The following AHCYL2 variants were observed in gnomAD, a reference collection of about 807,000 sequenced individuals.
AHCYL2 encodes the protein S-adenosylhomocysteine hydrolase-like protein 2.
Under a neutral mutation model 81.4 loss-of-function variants are expected in AHCYL2, and 28 were observed. The ratio of observed to expected loss-of-function variants is 0.34; its 90% confidence interval spans 0.25 to 0.47. The LOEUF is 0.47. Ranked by LOEUF, AHCYL2 falls within the 20% of genes least tolerant of loss-of-function variation. The probability of loss-of-function intolerance (pLI) is 1.00; values close to 1 mark genes in which losing one functional copy is unlikely to be tolerated. For synonymous variants in AHCYL2, 272 were observed against 290.2 expected, an observed-to-expected ratio of 0.94 and a Z score of 0.64; for missense variants, 551 against 785.1, an observed-to-expected ratio of 0.70 and a Z score of 3.56.
At chr7:129,240,992 T>A (rs1182109328) in intron 1 of AHCYL2, among the ~76,000 whole-genome samples, 1 of 152,186 alleles carries the variant, frequency 6.6e-6, no homozygotes, top group Non-Finnish European at 1.5e-5. Context: ...AATTAAATGA[T>A]TTTTAAGCTA....
chr7:129,335,053 T>A lies in AHCYL2; in HGVS notation c.364-44585T>A, dbSNP rs191099135. On this transcript the variant is annotated intron_variant, in intron 1 of 16. Coordinates refer to ENST00000325006, the MANE Select transcript of AHCYL2 (RefSeq NM_015328.4). ...TGAAATTAGTGGTTTGGAATTTTTT[T>A]AAAAATTGTCTGAAATTCTAAGGCA... Among the ~76,000 whole-genome samples, 1,149 of 152,268 alleles carry A rather than the reference T, an allele frequency of 7.5e-3. 16 individuals are homozygous for A. The highest frequency in any genetic ancestry group is 0.035 in the South Asian group (167 of 4,830).
chr7:129,312,760 C>T (rs1037791066), intron 1 of AHCYL2, among the ~76,000 whole-genome samples: 5 of 152,128 alleles, frequency 3.3e-5, no homozygotes, highest in Non-Finnish European at 5.9e-5. Context: ...AGACATTGAA[C>T]GTTCTCATCT....
intron 1 of AHCYL2, among the ~76,000 whole-genome samples, chr7:129,240,413 C>T (rs561551172): frequency 4.0e-5 from 6 of 151,704 alleles, no homozygotes; most frequent in South Asian, 2.1e-4. Flanking sequence ...TTTCATGGAG[C>T]GTGAATAGTG....
intron 1 of AHCYL2, among the ~76,000 whole-genome samples, chr7:129,336,679 G>T (rs1798614895): frequency 6.6e-6 from 1 of 152,152 alleles, no homozygotes; most frequent in South Asian, 2.1e-4. Flanking sequence ...TGAGCAGTGA[G>T]ATCCAGAACT....
intron 1 of AHCYL2, among the ~76,000 whole-genome samples, chr7:129,260,283 G>T (rs573021686): frequency 1.3e-5 from 2 of 152,260 alleles, no homozygotes; most frequent in East Asian, 3.9e-4. Flanking sequence ...TCTTCAACAG[G>T]TGGATTGATC....
rs1423681683 is a variant in AHCYL2 at position 129,250,363 on chromosome 7, G to C, written c.363+24924G>C. On this transcript the variant is annotated intron_variant, in intron 1 of 16. Coordinates refer to ENST00000325006, the MANE Select transcript of AHCYL2 (RefSeq NM_015328.4). ...TGGATATATACCTAAGAGTGGAATT[G>C]CTTGATTACAGTTGATTATTGTGTT... 2.0e-5 allele frequency among the ~76,000 whole-genome samples: 3 copies of C among 152,276 alleles called. No homozygotes were observed. In the East Asian group the frequency reaches 5.8e-4, roughly 29 times the overall value.
At chr7:129,410,725 AT>A (rs1171102045) in intron 11 of AHCYL2, among the ~76,000 whole-genome samples, 1 of 152,236 alleles carries the variant, frequency 6.6e-6, no homozygotes, top group Non-Finnish European at 1.5e-5. Flanking sequence ...GTTTTAAAGA[AT>A]ATGCAGAAAT....
Position 129,406,519 on chromosome 7 carries a change from A to G in AHCYL2, c.1295+53A>G. 1 of 1,552,420 alleles carries G rather than the reference A, an allele frequency of 6.4e-7. No homozygotes were observed. Among genetic ancestry groups the G allele is most frequent in the South Asian group, 1.1e-5 (1 of 89,698 alleles). On this transcript the variant is annotated intron_variant, in intron 10 of 16. Transcript: ENST00000325006. This position sits in a 1 kb window ranked among gnomAD's most constrained non-coding sequence, Gnocchi z 4.3. ...GCAATCTCGGAGCTGTCTCCAAAGA[A>G]TGGCCTGGTTGATGCCACACTTTAT...
chr7:129,405,117 C>G lies in AHCYL2; in HGVS notation c.1046C>G (p.Ala349Gly). 6.2e-7 allele frequency: 1 copy of G among 1,606,034 alleles called. No homozygotes were observed. The highest frequency in any genetic ancestry group is 8.5e-7 in the Non-Finnish European group (1 of 1,176,492). Residue 349 changes from alanine (A) to glycine (G), a missense_variant, in exon 8 of 17, where the codon GCT (alanine) becomes GGT (glycine). Physicochemically the swap from Ala to Gly is moderately conservative, Grantham distance 60 (BLOSUM62 0). This residue lies in a region of AHCYL2 where 316 missense variants were observed against 543.1 expected (regional missense o/e 0.58). Coordinates refer to ENST00000325006, the MANE Select transcript of AHCYL2 (RefSeq NM_015328.4). ...GVHRLYQLSK[A>G]GKLCVPAMNV... ...CTCAGGCTGTACCAACTGTCCAAAGCTGGGAAGCTGTGTGTTCCAGCCATG... is the reference window on the plus strand; with the variant it reads ...CTCAGGCTGTACCAACTGTCCAAAGGTGGGAAGCTGTGTGTTCCAGCCATG...
chr7:129,260,937 C>T (rs763103387), intron 1 of AHCYL2, among the ~76,000 whole-genome samples: 61 of 152,024 alleles, frequency 4.0e-4, no homozygotes, highest in Non-Finnish European at 7.8e-4. Context: ...TACAGGCGTA[C>T]GCCACCACCC....
intron 1 of AHCYL2, among the ~76,000 whole-genome samples, chr7:129,278,937 C>G (rs1479433526): frequency 6.6e-6 from 1 of 152,072 alleles, no homozygotes; most frequent in Non-Finnish European, 1.5e-5. Context: ...TCTAACTTGA[C>G]ACAACTACCA....
At chr7:129,351,660 A>G (rs1385973493) in intron 1 of AHCYL2, 3 of 152,218 alleles carry the variant, frequency 2.0e-5, no homozygotes, top group African/African-American at 7.2e-5. Context: ...ACCCCTTTGC[A>G]GGTAAAAAAA....
chr7:129,413,833 A>G, intron 12 of AHCYL2, 145 bp downstream of exon 12: 1 of 648,024 alleles, frequency 1.5e-6, no homozygotes, highest in Non-Finnish European at 2.7e-6. Context: ...CTAGCCCTAT[A>G]GCCTGTGTTT....
intron 5 of AHCYL2, among the ~76,000 whole-genome samples, chr7:129,399,278 C>T (rs978594532): frequency 4.0e-5 from 6 of 151,326 alleles, no homozygotes; most frequent in African/African-American, 1.5e-4. Context: ...GAAACCCCGT[C>T]TTTACTAAAA....
At chr7:129,308,170 G>A (rs1267405572) in intron 1 of AHCYL2, among the ~76,000 whole-genome samples, 2 of 152,082 alleles carry the variant, frequency 1.3e-5, no homozygotes, top group East Asian at 3.9e-4. Context: ...ACTTGCCCAG[G>A]AGTTGTAGTC....
intron 7 of AHCYL2, among the ~76,000 whole-genome samples, chr7:129,404,440 T>A (rs1796200175): frequency 6.6e-6 from 1 of 152,148 alleles, no homozygotes; most frequent in African/African-American, 2.4e-5. Context: ...CATTATCATC[T>A]TTTTGAATGT....
chr7:129,412,071 G>A lies in AHCYL2; in HGVS notation c.1367-1523G>A, dbSNP rs1796606464. Among the ~76,000 whole-genome samples, 4 of 152,042 alleles carry A rather than the reference G, an allele frequency of 2.6e-5. No homozygotes were observed. The East Asian group carries it at 7.8e-4, about 30-fold the overall frequency. On this transcript the variant is annotated intron_variant, in intron 11 of 16. Transcript: ENST00000325006. ...ACTTTGTTTTTAACATTTTCAGGCT[G>A]GGTGTGGTGGCTCACACCTGTAATC...
chr7:129,388,899 C>G lies in AHCYL2; in HGVS notation c.476-157C>G, dbSNP rs1042567769. 3 of 673,240 alleles carry G rather than the reference C, an allele frequency of 4.5e-6. No individual in the cohort carries two copies. The African/African-American group carries it at 5.6e-5, about 12-fold the overall frequency. The allele number at this position is 673,240 out of a possible 1,614,324, so 41.7% of individuals were successfully genotyped here. ...TGTCTTTGGCAATCTCTTTCAGCTT[C>G]CCTCTTCTGGCATGTGTATAGCCTG... On this transcript the variant is annotated intron_variant, in intron 2 of 16. Transcript: ENST00000325006.
chr7:129,288,109 A>G (rs995410948), intron 1 of AHCYL2, among the ~76,000 whole-genome samples: 1 of 152,160 alleles, frequency 6.6e-6, no homozygotes, highest in Non-Finnish European at 1.5e-5. Context: ...ATAAATGTAT[A>G]TTTTTTCAGT....
Sources: allele counts gnomAD v4.1 joint callset (sites outside exome capture counted in the v4.1 genomes callset), GRCh38; gene constraint gnomAD v4.1.1; regional missense constraint gnomAD v4.1.1; non-coding constraint Gnocchi (gnomAD v3.1); transcripts MANE v1.5; gene names NCBI Gene and HGNC (gene_info 2026-07-23, HGNC 2026-07-21).